The following ITPR2 variants were observed in gnomAD, a reference collection of about 807,000 sequenced individuals.
ITPR2 encodes inositol 1,4,5-trisphosphate-gated calcium channel ITPR2.
Under a neutral mutation model 317.1 loss-of-function variants are expected in ITPR2, and 207 were observed. The ratio of observed to expected loss-of-function variants is 0.65; its 90% CI spans 0.58 to 0.73. ITPR2 has a LOEUF of 0.73. Among genes scored for constraint, ITPR2 ranks in the 30% least tolerant of loss-of-function variants. The pLI, the probability that ITPR2 is intolerant of heterozygous loss-of-function variation, is 0.00. For missense variants in ITPR2, 2,613 were observed against 3,284.0 expected, an observed-to-expected ratio of 0.80 and a Z score of 4.99; for synonymous variants, 1,156 against 1,149.1, an observed-to-expected ratio of 1.01 and a Z score of -0.12.
intron 9 of ITPR2, among the ~76,000 whole-genome samples, chr12:26,703,266 A>G (rs1214612589): frequency 6.6e-6 from 1 of 152,238 alleles, no homozygotes; most frequent in Non-Finnish European, 1.5e-5. Flanking sequence ...GTGCATGTAT[A>G]GTGGAAACAA....
intron 1 of ITPR2, among the ~76,000 whole-genome samples, chr12:26,832,279 G>A (rs888224331): frequency 1.3e-5 from 2 of 152,226 alleles, no homozygotes; most frequent in African/African-American, 4.8e-5. Context: ...TTCAAACCCG[G>A]CACTGAGAGA....
intron 56 of ITPR2, among the ~76,000 whole-genome samples, chr12:26,339,887 A>T (rs946027491): frequency 6.6e-6 from 1 of 152,202 alleles, no homozygotes; most frequent in African/African-American, 2.4e-5. Context: ...TCATGGCAGA[A>T]AATGATTTTT....
At chr12:26,519,294 G>A (rs573126899) in intron 37 of ITPR2, among the ~76,000 whole-genome samples, 56 of 152,246 alleles carry the variant, frequency 3.7e-4, no homozygotes, top group African/African-American at 1.3e-3. Flanking sequence ...GTGTGTTGGT[G>A]AATTCCATGA....
At chr12:26,369,311 G>A (rs1382867707) in intron 55 of ITPR2, among the ~76,000 whole-genome samples, 1 of 152,042 alleles carries the variant, frequency 6.6e-6, no homozygotes, top group Admixed American at 6.6e-5. Context: ...TTTCTTTGAG[G>A]CATAGTCAGT....
intron 49 of ITPR2, among the ~76,000 whole-genome samples, chr12:26,424,523 G>A (rs1940987116): frequency 6.6e-6 from 1 of 150,848 alleles, no homozygotes; most frequent in African/African-American, 2.4e-5. Flanking sequence ...TACCTCCTGG[G>A]TAATGATAAA....
At chr12:26,411,210 T>A (rs976120969) in intron 52 of ITPR2, 110 bp downstream of exon 52, 24 of 708,174 alleles carry the variant, frequency 3.4e-5, no homozygotes, top group Non-Finnish European at 5.3e-5. Flanking sequence ...ATTCTTCTAT[T>A]TCAATCCATC....
At chr12:26,769,871 A>G (rs1326359481) in intron 2 of ITPR2, among the ~76,000 whole-genome samples, 2 of 152,202 alleles carry the variant, frequency 1.3e-5, no homozygotes, top group Non-Finnish European at 2.9e-5. Context: ...TTTCATTTCC[A>G]CAAACAGTCC....
chr12:26,657,099 CT>C, intron 18 of ITPR2, among the ~76,000 whole-genome samples: 1 of 152,360 alleles, frequency 6.6e-6, no homozygotes, highest in East Asian at 1.9e-4. Flanking sequence ...TTGTCTGATT[CT>C]TGCCATTTGG....
intron 2 of ITPR2, among the ~76,000 whole-genome samples, chr12:26,768,892 A>C (rs11048676): frequency 0.3 from 45,930 of 151,698 alleles, 8,423 homozygotes; most frequent in East Asian, 0.79. Flanking sequence ...TTTTTAGGGT[A>C]CTTCCAAGAT....
At chr12:26,805,096 C>G (rs1008628318) in intron 1 of ITPR2, among the ~76,000 whole-genome samples, 1 of 151,992 alleles carries the variant, frequency 6.6e-6, no homozygotes, top group Admixed American at 6.6e-5. Flanking sequence ...AATAAAAATT[C>G]GTAAAGAGAC....
At chr12:26,340,947 G>C (rs796387951) in intron 55 of ITPR2, among the ~76,000 whole-genome samples, 13 of 152,240 alleles carry the variant, frequency 8.5e-5, no homozygotes, top group African/African-American at 3.1e-4. Context: ...GCAATAGCTG[G>C]TTCCACTTCT....
At chr12:26,442,267 C>T (rs1592027646) in intron 46 of ITPR2, among the ~76,000 whole-genome samples, 1 of 152,122 alleles carries the variant, frequency 6.6e-6, no homozygotes, top group Non-Finnish European at 1.5e-5. Context: ...ATCCTGAAAT[C>T]GCTCAGGCAC....
At chr12:26,649,445 G>A (rs1305911947) in intron 21 of ITPR2, 1 of 152,112 alleles carries the variant, frequency 6.6e-6, no homozygotes, top group Non-Finnish European at 1.5e-5. Flanking sequence ...TGTATCACTT[G>A]TGCCAATAAT....
At chr12:26,416,019 T>TG (rs1177041133) in intron 50 of ITPR2, among the ~76,000 whole-genome samples, 1 of 152,180 alleles carries the variant, frequency 6.6e-6, no homozygotes, top group Non-Finnish European at 1.5e-5. Context: ...TTCATGAGTC[T>TG]GATGCAGCCG....
chr12:26,658,353 T>C (rs1947421155), intron 16 of ITPR2, among the ~76,000 whole-genome samples: 1 of 152,240 alleles, frequency 6.6e-6, no homozygotes, highest in African/African-American at 2.4e-5. Flanking sequence ...AAAAAGGATG[T>C]GTTTGCTTCT....
chr12:26,724,301 T>C (rs1948884079), intron 4 of ITPR2, among the ~76,000 whole-genome samples: 2 of 151,890 alleles, frequency 1.3e-5, no homozygotes, highest in Non-Finnish European at 2.9e-5. Flanking sequence ...CTTTTCTCTC[T>C]TCACAAAATG....
chr12:26,701,346 A>G (rs1317913911), intron 9 of ITPR2, among the ~76,000 whole-genome samples: 1 of 152,200 alleles, frequency 6.6e-6, no homozygotes, highest in African/African-American at 2.4e-5. Flanking sequence ...ATCAATTTTT[A>G]TTATATATAA....
intron 55 of ITPR2, among the ~76,000 whole-genome samples, chr12:26,363,827 A>G (rs980660458): frequency 6.6e-6 from 1 of 152,248 alleles, no homozygotes; most frequent in Non-Finnish European, 1.5e-5. Flanking sequence ...AAATGCTTGA[A>G]GTTAGACCTA....
rs1192935448 is a variant in ITPR2, at chr12:26,686,523, A to G, written c.1106T>C (p.Leu369Pro). Residue 369 changes from leucine to proline, a missense_variant, in exon 11 of 57, where the codon CTA becomes CCA. Around this residue, in one of 9 missense-constraint regions of ITPR2, gnomAD observed 515 missense variants for 789.4 expected, o/e 0.65. Coordinates refer to ENST00000381340, the MANE Select transcript of ITPR2 (RefSeq NM_002223.4). ...HGNDIASLFE[L>P]DATTLQRADC... ...AGCTCTCTGAAGAGTTGTGGCATCT[A>G]GTTCAAAAAGGGATGCAATGTCATT... 1 of 1,610,224 alleles carries G rather than the reference A, an allele frequency of 6.2e-7. No homozygotes were observed. The highest frequency in any genetic ancestry group is 8.5e-7 in the Non-Finnish European group (1 of 1,177,910).
Sources: allele counts gnomAD v4.1 joint callset (sites outside exome capture counted in the v4.1 genomes callset), GRCh38; gene constraint gnomAD v4.1.1; regional missense constraint gnomAD v4.1.1; transcripts MANE v1.5; gene names NCBI Gene and HGNC (gene_info 2026-07-23, HGNC 2026-07-21).